DACH2: variants seen among roughly 807,000 people sequenced by gnomAD.
DACH2 encodes the protein dachshund family transcription factor 2, also known as dachshund homolog 2.
A neutral mutation model predicts 35.8 loss-of-function variants in DACH2; 17 were observed. The observed-to-expected ratio is 0.48, with a 90% CI of 0.33 to 0.71. The LOEUF is 0.71. Among genes scored for constraint, DACH2 ranks in the 30% least tolerant of loss-of-function variants. The probability of loss-of-function intolerance (pLI) is 0.02; values close to 1 mark genes in which losing one functional copy is unlikely to be tolerated. For synonymous variants in DACH2, 195 were observed against 177.3 expected, an observed-to-expected ratio of 1.10 and a Z score of -0.79; for missense variants, 469 against 472.7, an observed-to-expected ratio of 0.99 and a Z score of 0.07.
intron 1 of DACH2, among the ~76,000 whole-genome samples, chrX:86,233,376 G>T (rs1332350032): frequency 8.9e-6 from 1 of 111,927 alleles, no homozygotes; most frequent in African/African-American, 3.2e-5. Context: ...AGATACCAAA[G>T]ACAAGCCTAC....
At chrX:86,505,704 A>G (rs2038313200) in intron 2 of DACH2, among the ~76,000 whole-genome samples, 1 of 112,027 alleles carries the variant, frequency 8.9e-6, no homozygotes, top group Non-Finnish European at 1.9e-5. Flanking sequence ...AGCTGGAGAA[A>G]ATGCTATGGC....
At chrX:86,658,893 C>T (rs186451282) in intron 4 of DACH2, among the ~76,000 whole-genome samples, 2 of 111,353 alleles carry the variant, frequency 1.8e-5, no homozygotes, top group Non-Finnish European at 3.8e-5. Context: ...CGATTATAAC[C>T]ACGTAAATCT....
intron 4 of DACH2, among the ~76,000 whole-genome samples, chrX:86,680,949 C>T (rs769054376): frequency 1.3e-3 from 144 of 110,934 alleles, no homozygotes; most frequent in Non-Finnish European, 2.2e-3. Context: ...CATCCAGCTG[C>T]CCTCGAACAT....
intron 3 of DACH2, among the ~76,000 whole-genome samples, chrX:86,522,024 C>T (rs552300599): frequency 5.4e-4 from 60 of 111,002 alleles, no homozygotes; most frequent in African/African-American, 1.8e-3. Flanking sequence ...AAGATAAAGT[C>T]TTCTATTTTT....
At chrX:86,739,027 C>T (rs1018131859) in intron 6 of DACH2, among the ~76,000 whole-genome samples, 1 of 110,784 alleles carries the variant, frequency 9.0e-6, no homozygotes, top group African/African-American at 3.3e-5. Context: ...TGCCTGCCAC[C>T]ATGCCTGGCT....
In DACH2 at chrX:86,808,535, A is replaced by T. The variant is rs753271434; in HGVS notation, c.1241-4321A>T. Among the ~76,000 whole-genome samples the T allele has an allele frequency of 4.5e-5, 5 of 110,241 alleles. No individual in the cohort carries two copies. The South Asian group carries it at 2.0e-3, about 43-fold the overall frequency. ...GCTATGTACACTTCCTTATATTCACACAAGTCACATTACACAGCAGTTGGT... is the reference window on the plus strand; with the variant it reads ...GCTATGTACACTTCCTTATATTCACTCAAGTCACATTACACAGCAGTTGGT... On this transcript the variant is annotated intron_variant, in intron 7 of 11. Coordinates refer to ENST00000373125, the MANE Select transcript of DACH2 (RefSeq NM_053281.3).
chrX:86,392,343 A>G (rs1174927068), intron 2 of DACH2, among the ~76,000 whole-genome samples: 1 of 111,827 alleles, frequency 8.9e-6, no homozygotes, highest in African/African-American at 3.2e-5. Flanking sequence ...TTAGTCCACA[A>G]AGATACCAAC....
intron 4 of DACH2, among the ~76,000 whole-genome samples, chrX:86,686,889 C>G (rs2040950776): frequency 8.9e-6 from 1 of 112,068 alleles, no homozygotes; most frequent in Non-Finnish European, 1.9e-5. Context: ...GTTTTAGCCA[C>G]TGTGCTTTAA....
At chrX:86,427,437 A>C (rs56186283) in intron 2 of DACH2, among the ~76,000 whole-genome samples, 9,830 of 111,025 alleles carry the variant, frequency 0.089, 1,077 homozygotes, top group African/African-American at 0.3. Context: ...CTATGAAATA[A>C]ATTTGTTCTG....
At chrX:86,547,397 A>G (rs1438163095) in intron 3 of DACH2, among the ~76,000 whole-genome samples, 3 of 111,290 alleles carry the variant, frequency 2.7e-5, no homozygotes, top group Non-Finnish European at 5.7e-5. Context: ...AAAGGTTTGG[A>G]TTTATAATTC....
At chrX:86,399,133 T>C (rs183569808) in intron 2 of DACH2, among the ~76,000 whole-genome samples, 1 of 112,253 alleles carries the variant, frequency 8.9e-6, no homozygotes, top group African/African-American at 3.2e-5. Context: ...TACCATTATG[T>C]AATGCCCTTC....
chrX:86,542,974 G>A (rs1392109619), intron 3 of DACH2, among the ~76,000 whole-genome samples: 1 of 112,299 alleles, frequency 8.9e-6, no homozygotes, highest in Admixed American at 9.4e-5. Flanking sequence ...AGTCTGGAGG[G>A]CCAAGGGGGG....
intron 1 of DACH2, among the ~76,000 whole-genome samples, chrX:86,193,111 A>G (rs971119732): frequency 4.5e-5 from 5 of 112,000 alleles, no homozygotes; most frequent in African/African-American, 1.6e-4. Context: ...TAGAATATAA[A>G]TTCTATTTAC....
At chrX:86,758,090 A>G (rs1314332952) in intron 7 of DACH2, among the ~76,000 whole-genome samples, 1 of 111,546 alleles carries the variant, frequency 9.0e-6, no homozygotes, top group Non-Finnish European at 1.9e-5. Flanking sequence ...ATATTTCTAC[A>G]TTCTTAATGT....
At chrX:86,521,248 A>G (rs1291917385) in intron 3 of DACH2, among the ~76,000 whole-genome samples, 2 of 111,780 alleles carry the variant, frequency 1.8e-5, no homozygotes, top group Non-Finnish European at 3.8e-5. Context: ...TCTGGCTTAC[A>G]GGGTTTCAGC....
intron 2 of DACH2, among the ~76,000 whole-genome samples, chrX:86,429,963 A>G (rs1420384429): frequency 8.9e-6 from 1 of 112,305 alleles, no homozygotes. Context: ...GGAGTGGAAA[A>G]TGTGAATTTT....
intron 7 of DACH2, among the ~76,000 whole-genome samples, chrX:86,769,290 A>G (rs1482636079): frequency 8.9e-6 from 1 of 112,099 alleles, no homozygotes; most frequent in Non-Finnish European, 1.9e-5. Context: ...ATCGTGGATG[A>G]CACAAGTAAA....
At chrX:86,824,578 A>G (rs1018063287) in intron 11 of DACH2, among the ~76,000 whole-genome samples, 2 of 112,227 alleles carry the variant, frequency 1.8e-5, no homozygotes, top group African/African-American at 6.5e-5. Flanking sequence ...GTAAGAAATT[A>G]TGAAAGTATC....
chrX:86,797,236 A>G (rs2042248368), intron 7 of DACH2, among the ~76,000 whole-genome samples: 1 of 110,719 alleles, frequency 9.0e-6, no homozygotes, highest in Admixed American at 9.7e-5. Flanking sequence ...AGAACTGACT[A>G]TGTTTCTCTT....
Sources: allele counts gnomAD v4.1 joint callset (sites outside exome capture counted in the v4.1 genomes callset), GRCh38; gene constraint gnomAD v4.1.1; transcripts MANE v1.5; gene names NCBI Gene and HGNC (gene_info 2026-07-23, HGNC 2026-07-21).